The following SULT2A1 variants were observed in gnomAD, a reference collection of about 807,000 sequenced individuals.
The protein encoded by SULT2A1 is sulfotransferase family 2A member 1, also known as sulfotransferase 2A1.
In SULT2A1, 43 loss-of-function variants were observed where a neutral mutation model predicts 33.9. The observed-to-expected ratio is 1.27, with a 90% CI of 1.00 to 1.64. The LOEUF (loss-of-function observed/expected upper bound fraction) is 1.64. Among genes scored for constraint, SULT2A1 ranks in the 40% most tolerant of loss-of-function variants. The pLI, the probability that SULT2A1 is intolerant of heterozygous loss-of-function variation, is 0.00. For missense variants in SULT2A1, 300 were observed against 335.1 expected (o/e 0.90, Z 0.82); for synonymous variants, 125 against 113.6 (o/e 1.10, Z -0.64).
intron 4 of SULT2A1, among the ~76,000 whole-genome samples, chr19:47,877,167 G>A (rs962063089): frequency 2.0e-5 from 3 of 151,648 alleles, no homozygotes; most frequent in Non-Finnish European, 2.9e-5. Flanking sequence ...GGGACGTGAC[G>A]TTTCCCAGGT....
intron 1 of SULT2A1, among the ~76,000 whole-genome samples, chr19:47,884,319 C>G (rs1289790253): frequency 6.6e-6 from 1 of 150,922 alleles, no homozygotes; most frequent in African/African-American, 2.4e-5. Context: ...CTACAGGCGC[C>G]CACCACCACG....
At position 47,871,301 on chromosome 19, in the gene SULT2A1, C is replaced by A. The variant is rs1968489981; in HGVS notation, c.*154G>T. The A allele has an allele frequency of 1.5e-6, 1 of 653,080 alleles. No homozygotes were observed. Among genetic ancestry groups the A allele is most frequent in the Non-Finnish European group, 2.6e-6 (1 of 384,128 alleles). The allele number at this position is 653,080 out of a possible 1,614,324, so 40.5% of individuals were successfully genotyped here. On this transcript the variant is annotated 3_prime_UTR_variant, in exon 6 of 6. Transcript: ENST00000222002. ...CACCGTGCCTGGCCAACCCTGGTAACTTTTAACAAGGAAGGGATCAGAGAT... is the reference window on the plus strand; with the variant it reads ...CACCGTGCCTGGCCAACCCTGGTAAATTTTAACAAGGAAGGGATCAGAGAT...
At chr19:47,873,434 G>A (rs1968511606) in intron 5 of SULT2A1, among the ~76,000 whole-genome samples, 1 of 152,030 alleles carries the variant, frequency 6.6e-6, no homozygotes, top group Non-Finnish European at 1.5e-5. Flanking sequence ...GCCTCCCAAA[G>A]TGCTGGGATT....
rs1365097058 is a variant in SULT2A1 at position 47,871,512 on chromosome 19, A to G, written c.801T>C (p.Asp267=). The change falls in exon 6 of 6, where the codon GAT becomes GAC. Residue 267 remains aspartate, a synonymous_variant. Coordinates refer to ENST00000222002, the MANE Select transcript of SULT2A1 (RefSeq NM_003167.4). ...HFTVAQAEDF[D]KLFQEKMADL... is the part of the protein sequence containing the mutation. ...CTGCCATCTTCTCTTGGAACAATTT[A>G]TCAAAGTCTTCAGCTTGGGCCACTG... The G allele has an allele frequency of 1.2e-6, 2 of 1,614,048 alleles. No individual in the cohort carries two copies. The highest frequency in any genetic ancestry group is 1.7e-6 in the Non-Finnish European group (2 of 1,180,016).
rs144058411 is a variant in SULT2A1, at chr19:47,883,774, A to C, written c.148T>G (p.Leu50Val). 241 of 1,613,932 alleles carry C rather than the reference A, an allele frequency of 1.5e-4. No homozygotes were observed. Among genetic ancestry groups the C allele is most frequent in the Non-Finnish European group, 1.9e-4 (220 of 1,179,986 alleles). ...LTYPKSGTNW[L>V]AEILCLMHSK... ...TGCATCAGGCAGAGAATCTCAGCCA[A>C]CCAGTTTGTTCCTGGAAAAAGAAGG... The change falls in exon 2 of 6, where the codon TTG becomes GTG. Residue 50 changes from leucine to valine, a missense_variant. Physicochemically the swap from Leu to Val is conservative, Grantham distance 32. Transcript: ENST00000222002.
At chr19:47,880,410 G>A (rs891591856) in intron 3 of SULT2A1, among the ~76,000 whole-genome samples, 16 of 151,816 alleles carry the variant, frequency 1.1e-4, no homozygotes, top group Non-Finnish European at 1.5e-4. Flanking sequence ...ATTACAATTC[G>A]AGATGAGATT....
At chr19:47,872,184 C>T (rs979453327) in intron 5 of SULT2A1, among the ~76,000 whole-genome samples, 1 of 152,188 alleles carries the variant, frequency 6.6e-6, no homozygotes, top group African/African-American at 2.4e-5. Flanking sequence ...TCCCAAAGTG[C>T]TGGGATTACA....
intron 5 of SULT2A1, 95 bp from the exon 6 acceptor site, chr19:47,871,662 G>T: frequency 1.2e-6 from 1 of 824,234 alleles, no homozygotes; most frequent in East Asian, 2.5e-5. Context: ...TAACATAGCA[G>T]AATGGCCGAT....
chr19:47,871,592 G>C (rs907972306), intron 5 of SULT2A1, 25 bp from the exon 6 acceptor site: 1 of 1,507,662 alleles, frequency 6.6e-7, no homozygotes, highest in Non-Finnish European at 9.2e-7. Context: ...CAGAAACTCA[G>C]GTCAGACCAC....
At chr19:47,883,201 C>G (rs1016517514) in intron 2 of SULT2A1, among the ~76,000 whole-genome samples, 1 of 151,954 alleles carries the variant, frequency 6.6e-6, no homozygotes, top group African/African-American at 2.4e-5. Context: ...TGTGTCTTTT[C>G]TGTGGCAGGA....
intron 5 of SULT2A1, 93 bp downstream of exon 5, chr19:47,874,564 C>CTCTTTCA: frequency 3.4e-6 from 2 of 591,754 alleles, no homozygotes; most frequent in Admixed American, 3.4e-5. Context: ...AAAAAAAGCA[C>CTCTTTCA]TCTTTCATCT....
At chr19:47,875,429 G>C (rs1486360048) in intron 4 of SULT2A1, among the ~76,000 whole-genome samples, 2 of 152,024 alleles carry the variant, frequency 1.3e-5, no homozygotes, top group East Asian at 3.9e-4. Context: ...CTTGAGTCCG[G>C]GAGTTTTAGA....
At position 47,886,213 on chromosome 19, in the gene SULT2A1, A is replaced by G. The variant is rs1156995483; in HGVS notation, c.45T>C (p.Thr15=). 3.7e-6 allele frequency: 6 copies of G among 1,614,032 alleles called. No individual in the cohort carries two copies. In the African/African-American group the frequency reaches 6.7e-5, roughly 18 times the overall value. Residue 15 remains threonine (T), a synonymous_variant, in exon 1 of 6, where the codon ACT becomes ACC. Transcript: ENST00000222002. ...TTAAGGTTTCGGATCTGAAACCCAT[A>G]GTAGGGAAAGCTATGCCTTCAAACC... The part of the protein sequence containing the change: ...FLWFEGIAFP[T]MGFRSETLRK...
chr19:47,883,827 A>G (rs776331175), intron 1 of SULT2A1, 42 bp from the exon 2 acceptor site: 1 of 1,576,122 alleles, frequency 6.3e-7, no homozygotes, highest in Non-Finnish European at 8.7e-7. Flanking sequence ...GTACCATCTC[A>G]GCCGGACATG....
In SULT2A1 at chr19:47,878,262, G is replaced by C. The variant is rs1012881934; in HGVS notation, c.567+774C>G. 2.5e-4 allele frequency among the ~76,000 whole-genome samples: 38 copies of C among 152,136 alleles called. 1 individual carries two copies. Among genetic ancestry groups the C allele is most frequent in the African/African-American group, 8.9e-4 (37 of 41,432 alleles). On this transcript the variant is annotated intron_variant, in intron 4 of 5. Transcript: ENST00000222002. ...TGTGATCATAGCTCACTGCAGCCTT[G>C]AATTCATGGGCTCAAGTAATTCCCC...
chr19:47,877,191 A>G (rs1171389966), intron 4 of SULT2A1, among the ~76,000 whole-genome samples: 3 of 151,404 alleles, frequency 2.0e-5, no homozygotes, highest in African/African-American at 4.9e-5. Context: ...ACAAAATCCA[A>G]TGTTGGTGTT....
chr19:47,882,298 C>T, intron 2 of SULT2A1, 88 bp from the exon 3 acceptor site: 32 of 1,475,072 alleles, frequency 2.2e-5, no homozygotes, highest in Middle Eastern at 2.4e-4. Flanking sequence ...AAAGCCAATT[C>T]CTGGATAATG....
chr19:47,872,579 A>G (rs931959921), intron 5 of SULT2A1, among the ~76,000 whole-genome samples: 1 of 151,866 alleles, frequency 6.6e-6, no homozygotes, highest in East Asian at 1.9e-4. Context: ...CTTTATTCCA[A>G]TTCAAGTTTC....
At chr19:47,881,713 G>A (rs555484827) in intron 3 of SULT2A1, among the ~76,000 whole-genome samples, 3 of 152,218 alleles carry the variant, frequency 2.0e-5, no homozygotes, top group East Asian at 3.9e-4. Flanking sequence ...AGAATATTAA[G>A]AGGGTTTTGG....
Sources: gnomAD v4.1 joint callset for allele counts (sites outside exome capture counted in the v4.1 genomes callset) on GRCh38, gnomAD v4.1.1 for gene constraint, MANE v1.5 for transcripts, NCBI Gene and HGNC (gene_info 2026-07-23, HGNC 2026-07-21) for gene names.